The following UBE2R2 variants were observed in gnomAD, a reference collection of about 807,000 sequenced individuals.
The protein encoded by UBE2R2 is ubiquitin conjugating enzyme E2 R2, also known as ubiquitin-conjugating enzyme E2 R2.
Under a neutral mutation model 27.8 loss-of-function variants are expected in UBE2R2, and 1 was observed. The ratio of observed to expected loss-of-function variants is 0.04; its 90% CI spans 0.01 to 0.17. The LOEUF (loss-of-function observed/expected upper bound fraction) is 0.17, where lower values mean the gene tolerates loss of function less well. UBE2R2 is among the 10% of genes least tolerant of loss of function. UBE2R2 has a pLI of 1.00. For missense variants in UBE2R2, 100 were observed against 291.0 expected (o/e 0.34, Z 4.78); for synonymous variants, 106 against 113.3 (o/e 0.94, Z 0.41).
chr9:33,857,223 T>TA (rs1563990047), intron 1 of UBE2R2, among the ~76,000 whole-genome samples: 1 of 151,662 alleles, frequency 6.6e-6, no homozygotes, highest in African/African-American at 2.4e-5. Flanking sequence ...CTTTTTTTTT[T>TA]ATTCCCCTTA....
At chr9:33,862,894 T>C (rs1456497804) in intron 1 of UBE2R2, among the ~76,000 whole-genome samples, 6 of 152,154 alleles carry the variant, frequency 3.9e-5, no homozygotes, top group Non-Finnish European at 5.9e-5. Context: ...GTTTTTAATC[T>C]TTGGTGTCAT....
chr9:33,842,292 G>A (rs1388211065), intron 1 of UBE2R2, among the ~76,000 whole-genome samples: 2 of 152,104 alleles, frequency 1.3e-5, no homozygotes, highest in East Asian at 1.9e-4. Context: ...TCCCAGATAC[G>A]CGGAAGGCTG....
intron 1 of UBE2R2, among the ~76,000 whole-genome samples, chr9:33,859,760 TTGTGTG>T (rs57089790): frequency 1.2e-3 from 159 of 130,698 alleles, no homozygotes; most frequent in African/African-American, 1.7e-3. Context: ...TCTAAGCCTT[TTGTGTG>T]TGTGTGTGTG....
At chr9:33,852,377 G>T (rs1587444875) in intron 1 of UBE2R2, among the ~76,000 whole-genome samples, 2 of 152,190 alleles carry the variant, frequency 1.3e-5, no homozygotes, top group East Asian at 3.8e-4. Context: ...CCAGCTGCAT[G>T]ATCCAAATCT....
In UBE2R2 at chr9:33,912,104, G is replaced by GTT. The variant is rs148101204; in HGVS notation, c.497+16_497+17dup. On this transcript the variant is annotated splice_region_variant and intron_variant, in intron 4 of 4. Transcript: ENST00000263228. Reference sequence around the variant, plus strand: ...GAATATGCTGAAATTATTAGGTAAGGTTTTTTTTTTTATTACCTCAAGTTA... The same window carrying GTT: ...GAATATGCTGAAATTATTAGGTAAGGTTTTTTTTTTTTTATTACCTCAAGTTA... 118 of 1,327,254 alleles carry GTT rather than the reference G, an allele frequency of 8.9e-5. No individual in the cohort carries two copies. Among genetic ancestry groups the GTT allele is most frequent in the African/African-American group, 4.1e-4 (27 of 66,154 alleles). 82.2% of individuals were successfully genotyped at this position (1,327,254 alleles called of 1,614,324 possible).
At chr9:33,833,864 T>C (rs1230525893) in intron 1 of UBE2R2, among the ~76,000 whole-genome samples, 1 of 152,232 alleles carries the variant, frequency 6.6e-6, no homozygotes, top group Non-Finnish European at 1.5e-5. Flanking sequence ...TTGTTTATTC[T>C]GGGCACCTTG....
intron 1 of UBE2R2, among the ~76,000 whole-genome samples, chr9:33,873,422 T>C (rs1821531362): frequency 6.6e-6 from 1 of 152,202 alleles, no homozygotes; most frequent in African/African-American, 2.4e-5. Flanking sequence ...GATAGCATGA[T>C]TAAGCAAAAG....
At chr9:33,834,889 A>T (rs1254859595) in intron 1 of UBE2R2, among the ~76,000 whole-genome samples, 4 of 151,180 alleles carry the variant, frequency 2.6e-5, no homozygotes, top group Non-Finnish European at 1.5e-5. Flanking sequence ...CAGCCTGGGC[A>T]ACAAGACCGA....
chr9:33,885,566 C>A (rs779839749), intron 1 of UBE2R2, among the ~76,000 whole-genome samples: 1 of 152,314 alleles, frequency 6.6e-6, no homozygotes, highest in Non-Finnish European at 1.5e-5. Flanking sequence ...TGGCGAAATG[C>A]CAGCCCATTC....
At chr9:33,845,181 T>C (rs1820816088) in intron 1 of UBE2R2, among the ~76,000 whole-genome samples, 1 of 151,960 alleles carries the variant, frequency 6.6e-6, no homozygotes, top group South Asian at 2.1e-4. Context: ...GACACATTCC[T>C]TTTTTTCTTT....
intron 1 of UBE2R2, among the ~76,000 whole-genome samples, chr9:33,830,449 G>T (rs1160186587): frequency 2.0e-5 from 3 of 149,098 alleles, no homozygotes; most frequent in African/African-American, 4.9e-5. Flanking sequence ...GAGCCACTGC[G>T]CCCGGCCTCA....
intron 3 of UBE2R2, among the ~76,000 whole-genome samples, chr9:33,910,780 T>C (rs1232212085): frequency 1.3e-5 from 2 of 152,218 alleles, no homozygotes; most frequent in African/African-American, 4.8e-5. Context: ...TGTAGCACTG[T>C]TTTTCAGGTT....
intron 1 of UBE2R2, among the ~76,000 whole-genome samples, chr9:33,828,269 A>G (rs13283519): frequency 6.7e-6 from 1 of 149,110 alleles, no homozygotes; most frequent in Admixed American, 6.7e-5. Context: ...ACCATTGCAC[A>G]CCAGCCTGGG....
chr9:33,863,279 T>C (rs1563992254), intron 1 of UBE2R2, among the ~76,000 whole-genome samples: 1 of 151,926 alleles, frequency 6.6e-6, no homozygotes, highest in African/African-American at 2.4e-5. Flanking sequence ...ATCCCAGCAC[T>C]TTTGGAGCCC....
intron 1 of UBE2R2, among the ~76,000 whole-genome samples, chr9:33,845,540 A>C (rs546164680): frequency 6.6e-6 from 1 of 151,666 alleles, no homozygotes; most frequent in South Asian, 2.1e-4. Context: ...GAGCCACCGC[A>C]CCCAGCTTGG....
intron 1 of UBE2R2, among the ~76,000 whole-genome samples, chr9:33,837,773 C>G (rs1470420065): frequency 6.6e-6 from 1 of 150,394 alleles, no homozygotes; most frequent in Non-Finnish European, 1.5e-5. Flanking sequence ...AGGCTGGTCT[C>G]AAACTCTGGG....
At chr9:33,911,402 C>CAAAAAAAAAAAAAAAAAAA (rs60526576) in intron 3 of UBE2R2, among the ~76,000 whole-genome samples, 1 of 53,208 alleles carries the variant, frequency 1.9e-5, no homozygotes, top group Non-Finnish European at 3.2e-5. Context: ...AACTCCATCT[C>CAAAAAAAAAAAAAAAAAAA]AAAAAAAAAA....
intron 1 of UBE2R2, among the ~76,000 whole-genome samples, chr9:33,827,320 T>C (rs955837277): frequency 1.3e-5 from 2 of 151,964 alleles, no homozygotes; most frequent in Non-Finnish European, 2.9e-5. Context: ...AGAGCAAGAC[T>C]CAGTCTCAAA....
At chr9:33,869,700 T>C (rs1168372967) in intron 1 of UBE2R2, among the ~76,000 whole-genome samples, 1 of 152,102 alleles carries the variant, frequency 6.6e-6, no homozygotes, top group Non-Finnish European at 1.5e-5. Flanking sequence ...TCTGCCCACC[T>C]CAGCCTCCCA....
Sources: allele counts gnomAD v4.1 joint callset (sites outside exome capture counted in the v4.1 genomes callset), GRCh38; gene constraint gnomAD v4.1.1; transcripts MANE v1.5; gene names NCBI Gene and HGNC (gene_info 2026-07-23, HGNC 2026-07-21).